The following NTM variants were observed in gnomAD, a reference collection of about 807,000 sequenced individuals.
NTM encodes the protein IgLON family member 2.
Under a neutral mutation model 42.1 loss-of-function variants are expected in NTM, and 13 were observed. The observed-to-expected ratio is 0.31, with a 90% confidence interval of 0.20 to 0.49. NTM has a LOEUF of 0.49. Among genes scored for constraint, NTM ranks in the 20% least tolerant of loss-of-function variants. NTM has a pLI of 0.99. For missense variants in NTM, 373 were observed against 452.8 expected (o/e 0.82, Z 1.60); for synonymous variants, 187 against 179.2 (o/e 1.04, Z -0.35).
chr11:131,649,871 C>T (rs901459955), intron 1 of NTM, among the ~76,000 whole-genome samples: 1 of 152,136 alleles, frequency 6.6e-6, no homozygotes, highest in Non-Finnish European at 1.5e-5. Context: ...TAGCATTTCC[C>T]AGACTGACCC....
At chr11:132,140,837 G>A (rs2068948696) in intron 2 of NTM, among the ~76,000 whole-genome samples, 1 of 152,180 alleles carries the variant, frequency 6.6e-6, no homozygotes, top group African/African-American at 2.4e-5. Flanking sequence ...GGAGGGGCAG[G>A]GCACAAGCCG....
intron 1 of NTM, among the ~76,000 whole-genome samples, chr11:131,728,349 A>AGGG (rs2079205070): frequency 6.6e-6 from 1 of 152,208 alleles, no homozygotes. Context: ...TTTTGCTACT[A>AGGG]TGGCTCACAG....
intron 1 of NTM, among the ~76,000 whole-genome samples, chr11:131,413,521 C>A (rs557873200): frequency 6.6e-6 from 1 of 152,306 alleles, no homozygotes; most frequent in South Asian, 2.1e-4. Flanking sequence ...TTGTCAGGAG[C>A]TTTGGGAAGA....
Position 131,411,570 on chromosome 11 carries a change from TGTGTGTGTGTGTG to T in NTM, c.82+40683_82+40695del, listed in dbSNP as rs1273633061. On this transcript the variant is annotated intron_variant, in intron 1 of 8. Transcript: ENST00000683400. ...GTGTGTGTGTGTGTGTGTGTGTGTG[TGTGTGTGTGTGTG>T]TGTGTACTTGAGAGCTGGGGAAGCC... 8.0e-3 allele frequency among the ~76,000 whole-genome samples: 1,212 copies of T among 151,374 alleles called. 18 individuals carry two copies. The highest frequency in any genetic ancestry group is 0.027 in the African/African-American group (1,122 of 41,226).
rs1228404761 is a variant in NTM, at chr11:131,433,113, T to A, written c.82+62225T>A. On this transcript the variant is annotated intron_variant, in intron 1 of 8. Coordinates refer to ENST00000683400, the MANE Select transcript of NTM (RefSeq NM_001352005.2). ...ACCTCGTGATCCCCCCGTCTCGGCC[T>A]CCCAAAGTGCTGGGATTACAGGCGT... is the stretch of plus-strand genomic sequence containing the variant. Among the ~76,000 whole-genome samples, 4 of 152,040 alleles carry A rather than the reference T, an allele frequency of 2.6e-5. No individual in the cohort carries two copies. In the East Asian group the frequency reaches 5.8e-4, roughly 22 times the overall value.
At chr11:132,128,622 G>A (rs1358060862) in intron 2 of NTM, among the ~76,000 whole-genome samples, 1 of 151,914 alleles carries the variant, frequency 6.6e-6, no homozygotes, top group African/African-American at 2.4e-5. Context: ...AGGTACAAGA[G>A]GCTGATAAGG....
At chr11:131,550,716 C>A (rs755538507) in intron 1 of NTM, among the ~76,000 whole-genome samples, 12 of 152,040 alleles carry the variant, frequency 7.9e-5, no homozygotes, top group Non-Finnish European at 1.5e-4. Context: ...CAGACTAATA[C>A]ACCTAGCTAT....
At chr11:132,063,049 G>A (rs184389274) in intron 2 of NTM, among the ~76,000 whole-genome samples, 3 of 152,202 alleles carry the variant, frequency 2.0e-5, no homozygotes, top group Admixed American at 6.5e-5. Context: ...CACAGCTCTG[G>A]AAGCTATGAA....
At chr11:131,997,567 G>A (rs1178136777) in intron 2 of NTM, among the ~76,000 whole-genome samples, 1 of 152,092 alleles carries the variant, frequency 6.6e-6, no homozygotes, top group Non-Finnish European at 1.5e-5. Flanking sequence ...TGGATAAAAA[G>A]GTGTTCACAC....
At chr11:131,672,847 TGGGGGTGGGGTGTG>T (rs759911738) in intron 1 of NTM, among the ~76,000 whole-genome samples, 144 of 80,162 alleles carry the variant, frequency 1.8e-3, no homozygotes, top group Admixed American at 2.5e-3. Context: ...GGTGCCGGGG[TGGGGGTGGGGTGTG>T]ACCGTGTTCC....
intron 3 of NTM, among the ~76,000 whole-genome samples, chr11:132,206,663 A>T (rs2082036104): frequency 6.6e-6 from 1 of 152,202 alleles, no homozygotes. Context: ...CTTGTAGTCA[A>T]TAGACATTGT....
At chr11:132,039,991 C>G (rs950538355) in intron 2 of NTM, among the ~76,000 whole-genome samples, 4 of 152,020 alleles carry the variant, frequency 2.6e-5, no homozygotes, top group Non-Finnish European at 5.9e-5. Context: ...GTGGCGTGAT[C>G]TTGGCTCACT....
intron 1 of NTM, among the ~76,000 whole-genome samples, chr11:131,533,003 C>T (rs2051529111): frequency 6.6e-6 from 1 of 152,082 alleles, no homozygotes; most frequent in African/African-American, 2.4e-5. Context: ...ACTAAAGGTG[C>T]AGGCTTATTT....
intron 2 of NTM, among the ~76,000 whole-genome samples, chr11:132,085,342 C>T (rs988366926): frequency 1.3e-5 from 2 of 152,136 alleles, no homozygotes; most frequent in African/African-American, 4.8e-5. Context: ...GCAGTAGGTG[C>T]CAATAAAGTT....
chr11:131,979,894 C>A (rs560678851), intron 2 of NTM, among the ~76,000 whole-genome samples: 1 of 152,238 alleles, frequency 6.6e-6, no homozygotes, highest in Non-Finnish European at 1.5e-5. Flanking sequence ...TATGTAGGGC[C>A]ATTCTCTATA....
At chr11:132,096,262 G>C (rs1445963933) in intron 2 of NTM, among the ~76,000 whole-genome samples, 1 of 152,168 alleles carries the variant, frequency 6.6e-6, no homozygotes, top group African/African-American at 2.4e-5. Context: ...GTAACAGAGT[G>C]TGTTGTAATT....
At chr11:132,018,341 G>T (rs1301910195) in intron 2 of NTM, among the ~76,000 whole-genome samples, 1 of 151,970 alleles carries the variant, frequency 6.6e-6, no homozygotes, top group Non-Finnish European at 1.5e-5. Context: ...TTTCATCATT[G>T]TTGTATGATG....
intron 1 of NTM, among the ~76,000 whole-genome samples, chr11:131,865,372 G>C (rs2137004694): frequency 6.6e-6 from 1 of 152,312 alleles, no homozygotes; most frequent in South Asian, 2.1e-4. Flanking sequence ...AGTTGGGAGT[G>C]TCCAGAAGAC....
At chr11:131,483,395 T>C (rs759930625) in intron 1 of NTM, among the ~76,000 whole-genome samples, 12 of 152,190 alleles carry the variant, frequency 7.9e-5, no homozygotes, top group Non-Finnish European at 1.8e-4. Context: ...TACAAACCCA[T>C]TTGTAAACGT....
Sources: gnomAD v4.1 joint callset for allele counts (sites outside exome capture counted in the v4.1 genomes callset) on GRCh38, gnomAD v4.1.1 for gene constraint, MANE v1.5 for transcripts, NCBI Gene and HGNC (gene_info 2026-07-23, HGNC 2026-07-21) for gene names.